Variants in SLC26A7 observed in about 807,000 individuals in gnomAD.
The protein encoded by SLC26A7 is solute carrier family 26 member 7, also known as anion exchange transporter.
SLC26A7 carries 59 observed loss-of-function variants against 82.5 expected under a neutral mutation model. The observed-to-expected ratio is 0.72, with a 90% confidence interval of 0.58 to 0.89. The LOEUF is 0.89. Ranked by LOEUF, SLC26A7 falls within the 40% of genes least tolerant of loss-of-function variation. The pLI, the probability that SLC26A7 is intolerant of heterozygous loss-of-function variation, is 0.00. For synonymous variants in SLC26A7, 271 were observed against 274.3 expected (o/e 0.99, Z 0.12); for missense variants, 820 against 793.0 (o/e 1.03, Z -0.41).
chr8:91,230,228 T>C (rs1810293678), intron 2 of SLC26A7, among the ~76,000 whole-genome samples: 1 of 152,214 alleles, frequency 6.6e-6, no homozygotes, highest in South Asian at 2.1e-4. Flanking sequence ...GTCCAATTTT[T>C]GTTTAATATG....
chr8:91,371,994 G>A (rs1814375815), intron 15 of SLC26A7, among the ~76,000 whole-genome samples: 1 of 152,066 alleles, frequency 6.6e-6, no homozygotes, highest in African/African-American at 2.4e-5. Flanking sequence ...GATTAATGAT[G>A]TTGAGCATTT....
intron 2 of SLC26A7, among the ~76,000 whole-genome samples, chr8:91,258,654 A>G (rs1265018008): frequency 6.6e-6 from 1 of 151,672 alleles, no homozygotes; most frequent in African/African-American, 2.4e-5. Context: ...TAATCTTCAT[A>G]ATGACCCTAA....
intron 2 of SLC26A7, among the ~76,000 whole-genome samples, chr8:91,268,782 G>A (rs572329437): frequency 3.8e-4 from 58 of 150,992 alleles, no homozygotes; most frequent in African/African-American, 1.2e-3. Flanking sequence ...TTGTGGTTAA[G>A]TGACTTTCTC....
At chr8:91,345,829 A>C (rs1422982139) in intron 9 of SLC26A7, among the ~76,000 whole-genome samples, 1 of 152,210 alleles carries the variant, frequency 6.6e-6, no homozygotes, top group East Asian at 1.9e-4. Flanking sequence ...CGTAATAATC[A>C]GTCTATCTGA....
chr8:91,266,143 GTAGTATATT>G (rs1811106167), intron 2 of SLC26A7, among the ~76,000 whole-genome samples: 1 of 151,756 alleles, frequency 6.6e-6, no homozygotes, highest in Non-Finnish European at 1.5e-5. Flanking sequence ...GTATGGCTCT[GTAGTATATT>G]TTGAAGTTAG....
chr8:91,224,695 C>T (rs1466347821), intron 2 of SLC26A7, among the ~76,000 whole-genome samples: 2 of 151,994 alleles, frequency 1.3e-5, no homozygotes, highest in Non-Finnish European at 2.9e-5. Flanking sequence ...ACTAATTTAA[C>T]AAAGCACTTT....
At chr8:91,279,884 T>C (rs1022153705) in intron 2 of SLC26A7, among the ~76,000 whole-genome samples, 1 of 152,158 alleles carries the variant, frequency 6.6e-6, no homozygotes, top group Non-Finnish European at 1.5e-5. Context: ...AATATACCTA[T>C]TGGTCCTTTG....
intron 2 of SLC26A7, among the ~76,000 whole-genome samples, chr8:91,239,988 A>G (rs1448259519): frequency 6.6e-6 from 1 of 152,226 alleles, no homozygotes; most frequent in Non-Finnish European, 1.5e-5. Flanking sequence ...GCAACTAATG[A>G]AATTTATGGA....
At chr8:91,329,432 T>C (rs1813018705) in intron 5 of SLC26A7, among the ~76,000 whole-genome samples, 1 of 152,164 alleles carries the variant, frequency 6.6e-6, no homozygotes, top group East Asian at 1.9e-4. Flanking sequence ...ATCCACCCCC[T>C]TGTTCTTCTG....
chr8:91,332,265 TTATA>T (rs1228770288), intron 5 of SLC26A7, among the ~76,000 whole-genome samples: 2 of 143,526 alleles, frequency 1.4e-5, no homozygotes, highest in African/African-American at 5.0e-5. Flanking sequence ...AAATTTATAA[TTATA>T]TATAGTTATA....
chr8:91,341,563 G>C (rs1813414075), intron 8 of SLC26A7, among the ~76,000 whole-genome samples: 2 of 152,160 alleles, frequency 1.3e-5, no homozygotes. Flanking sequence ...CACAAAAGTA[G>C]ATTTATTCAT....
chr8:91,361,682 A>G (rs1045126093), intron 11 of SLC26A7, among the ~76,000 whole-genome samples: 11 of 152,160 alleles, frequency 7.2e-5, no homozygotes, highest in African/African-American at 2.7e-4. Flanking sequence ...TAAGTGGTGA[A>G]CAAAACTGCA....
At chr8:91,336,452 A>G (rs1482359414) in intron 6 of SLC26A7, among the ~76,000 whole-genome samples, 4 of 152,072 alleles carry the variant, frequency 2.6e-5, no homozygotes, top group African/African-American at 7.2e-5. Flanking sequence ...CGTGCTTCTT[A>G]TGATAATCTA....
At position 91,322,205 on chromosome 8, in the gene SLC26A7, C is replaced by CTTCT. The variant is rs568471826; in HGVS notation, c.642+3826_642+3829dup. 5.3e-3 allele frequency among the ~76,000 whole-genome samples: 802 copies of CTTCT among 152,082 alleles called. 8 individuals are homozygous for CTTCT. Among genetic ancestry groups the CTTCT allele is most frequent in the South Asian group, 0.027 (131 of 4,820 alleles). On this transcript the variant is annotated intron_variant, in intron 5 of 18. Coordinates refer to ENST00000276609, the MANE Select transcript of SLC26A7 (RefSeq NM_052832.4). ...ATAAAACCTTTAGAAACAAATATAT[C>CTTCT]TTCTGTTAATGGGGGTTGATCATTA...
Position 91,271,097 on chromosome 8 carries a change from G to A in SLC26A7, c.194-18039G>A, listed in dbSNP as rs1315690117. ...TATACTAGTAGCTTTACCTGTTCTT[G>A]CATGTGTACTTCTCATCTTTAAGAC... is the stretch of plus-strand genomic sequence containing the variant. On this transcript the variant is annotated intron_variant, in intron 2 of 18. Transcript: ENST00000276609. Among the ~76,000 whole-genome samples the A allele has an allele frequency of 3.3e-5, 5 of 152,058 alleles. No individual in the cohort carries two copies. The East Asian group carries it at 7.7e-4, about 23-fold the overall frequency.
intron 4 of SLC26A7, among the ~76,000 whole-genome samples, chr8:91,317,812 C>T (rs1812680210): frequency 6.6e-6 from 1 of 151,766 alleles, no homozygotes; most frequent in Non-Finnish European, 1.5e-5. Flanking sequence ...GAGTGTATTT[C>T]CCTTTTTTGA....
At chr8:91,370,921 A>G (rs990195906) in intron 15 of SLC26A7, among the ~76,000 whole-genome samples, 1 of 151,912 alleles carries the variant, frequency 6.6e-6, no homozygotes, top group Non-Finnish European at 1.5e-5. Flanking sequence ...GTAGGTAGAG[A>G]TAACAGTGAT....
chr8:91,315,106 C>T (rs1812591943), intron 4 of SLC26A7, among the ~76,000 whole-genome samples: 2 of 152,072 alleles, frequency 1.3e-5, no homozygotes, highest in Admixed American at 1.3e-4. Context: ...AAGTGGAAAA[C>T]AGAAGGTAAA....
chr8:91,386,682 A>G (rs1344942638), intron 15 of SLC26A7, among the ~76,000 whole-genome samples: 1 of 152,144 alleles, frequency 6.6e-6, no homozygotes, highest in Non-Finnish European at 1.5e-5. Flanking sequence ...GTGGGGATAT[A>G]AGGTCGGATG....
Sources: allele counts gnomAD v4.1 joint callset (sites outside exome capture counted in the v4.1 genomes callset), GRCh38; gene constraint gnomAD v4.1.1; transcripts MANE v1.5; gene names NCBI Gene and HGNC (gene_info 2026-07-23, HGNC 2026-07-21).